Variants in AFDN observed in about 807,000 individuals in gnomAD.
AFDN encodes afadin, adherens junction formation factor.
AFDN carries 68 observed loss-of-function variants against 216.6 expected under a neutral mutation model. The observed-to-expected ratio is 0.31, with a 90% CI of 0.26 to 0.38. AFDN has a LOEUF of 0.38. Ranked by LOEUF, AFDN falls within the 10% of genes least tolerant of loss-of-function variation. AFDN has a pLI of 1.00. For missense variants in AFDN, 2,136 were observed against 2,342.0 expected (o/e 0.91, Z 1.82); for synonymous variants, 868 against 853.7 (o/e 1.02, Z -0.29).
intron 23 of AFDN, among the ~76,000 whole-genome samples, chr6:167,933,325 T>G (rs1279345209): frequency 6.6e-6 from 1 of 152,232 alleles, no homozygotes; most frequent in Non-Finnish European, 1.5e-5. Context: ...AATCTTAGCT[T>G]AAAACATAAG....
At chr6:167,870,592 C>T in intron 3 of AFDN, 94 bp downstream of exon 3, 1 of 663,554 alleles carries the variant, frequency 1.5e-6, no homozygotes, top group Non-Finnish European at 2.5e-6. Context: ...AGTTCCTTCT[C>T]TTTTTTGCTT....
chr6:167,893,726 T>C (rs1191074714), intron 8 of AFDN, 136 bp from the exon 9 acceptor site: 8 of 693,922 alleles, frequency 1.2e-5, no homozygotes, highest in Admixed American at 6.5e-5. Context: ...GTGTACCTTT[T>C]CTTCCTTTGA....
At chr6:167,846,807 T>C (rs1180111463) in intron 1 of AFDN, among the ~76,000 whole-genome samples, 1 of 149,676 alleles carries the variant, frequency 6.7e-6, no homozygotes, top group African/African-American at 2.5e-5. Context: ...TTCAGGGGAG[T>C]TAATCTATTA....
intron 30 of AFDN, among the ~76,000 whole-genome samples, chr6:167,959,702 TAC>T (rs1489291405): frequency 6.6e-6 from 1 of 152,136 alleles, no homozygotes; most frequent in Admixed American, 6.5e-5. Context: ...TCTCAACATA[TAC>T]ACACACATAT....
chr6:167,888,850 A>G lies in AFDN; in HGVS notation c.898-365A>G, dbSNP rs17165159. Among the ~76,000 whole-genome samples the G allele has an allele frequency of 8.5e-3, 1,296 of 152,288 alleles. 10 individuals are homozygous for G. Among genetic ancestry groups the G allele is most frequent in the Middle Eastern group, 0.02 (6 of 294 alleles). On this transcript the variant is annotated intron_variant, in intron 6 of 33. Coordinates refer to ENST00000683244, the MANE Select transcript of AFDN (RefSeq NM_001386888.1). The stretch of plus-strand genomic sequence containing the variant: ...ATAAAAACAATTGTTTGAATGTGAA[A>G]AGGTGGGTTAAGGACTAGAGAGATT...
intron 26 of AFDN, among the ~76,000 whole-genome samples, 153 bp from the exon 27 acceptor site, chr6:167,946,554 A>G (rs745564371): frequency 6.9e-6 from 1 of 145,524 alleles, no homozygotes; most frequent in African/African-American, 2.5e-5. Context: ...TATTCTCAGT[A>G]TATTTACTTA....
chr6:167,829,789 G>A (rs1302620751), intron 1 of AFDN, among the ~76,000 whole-genome samples: 1 of 151,942 alleles, frequency 6.6e-6, no homozygotes, highest in Non-Finnish European at 1.5e-5. Context: ...TAATTTTGTG[G>A]TTTCTGTGTT....
chr6:167,951,599 A>G lies in AFDN; in HGVS notation c.4245A>G (p.Glu1415=), dbSNP rs1361400193. 7 of 1,614,004 alleles carry G rather than the reference A, an allele frequency of 4.3e-6. No individual in the cohort carries two copies. In the South Asian group the frequency reaches 7.7e-5, roughly 18 times the overall value. Residue 1415 remains glutamate, a synonymous_variant, in exon 30 of 34, where the codon GAA becomes GAG. Transcript: ENST00000683244. This position sits in a 1 kb window ranked among gnomAD's most constrained non-coding sequence, Gnocchi z 7.1. ...CGTCTGCGCAGGTGGCTGCTGCTGA[A>G]CGGAGAAAGAGAGAAGAACATCAGC... is the stretch of plus-strand genomic sequence containing the variant. ...GLPSAQVAAA[E]RRKREEHQRW... is the part of the protein sequence containing the mutation.
chr6:167,951,434 T>C lies in AFDN; in HGVS notation c.4080T>C (p.Pro1360=). 1 of 1,613,812 alleles carries C rather than the reference T, an allele frequency of 6.2e-7. No individual in the cohort carries two copies. Among genetic ancestry groups the C allele is most frequent in the Non-Finnish European group, 8.5e-7 (1 of 1,179,744 alleles). The change falls in exon 30 of 34, where the codon CCT becomes CCC. Residue 1360 remains proline, a synonymous_variant. Coordinates refer to ENST00000683244, the MANE Select transcript of AFDN (RefSeq NM_001386888.1). The surrounding 1 kb of genome is among the most constrained non-coding windows in gnomAD (Gnocchi z 7.1). ...CACCAGCAGCCATACCGGCCACCCCTGTGGCCGTCTCCCAGCCAATCCGAA... is the reference window on the plus strand; with the variant it reads ...CACCAGCAGCCATACCGGCCACCCCCGTGGCCGTCTCCCAGCCAATCCGAA... The part of the protein sequence containing the change: ...WKTPAAIPAT[P]VAVSQPIRTD...
intron 33 of AFDN, among the ~76,000 whole-genome samples, 170 bp from the exon 34 acceptor site, chr6:167,969,612 T>A (rs1428801364): frequency 6.6e-6 from 1 of 152,188 alleles, no homozygotes; most frequent in Non-Finnish European, 1.5e-5. Flanking sequence ...GCCCTTTTTT[T>A]CTAGATGGGT....
In AFDN at chr6:167,948,543, C is replaced by T. The variant is rs189667082; in HGVS notation, c.3831+65C>T. The T allele has an allele frequency of 2.8e-6, 4 of 1,444,462 alleles. No homozygotes were observed. In the African/African-American group the frequency reaches 5.7e-5, roughly 21 times the overall value. 89.5% of individuals were successfully genotyped at this position (1,444,462 alleles called of 1,614,324 possible). On this transcript the variant is annotated intron_variant, in intron 29 of 33. Transcript: ENST00000683244. Reference sequence around the variant, plus strand: ...AAGGAGGACACACTGAGTTCTGAGACACAATTAATATTTTCTATAGAACAG... The same window carrying T: ...AAGGAGGACACACTGAGTTCTGAGATACAATTAATATTTTCTATAGAACAG...
chr6:167,835,865 T>C (rs1382971573), intron 1 of AFDN, among the ~76,000 whole-genome samples: 1 of 152,196 alleles, frequency 6.6e-6, no homozygotes, highest in Admixed American at 6.5e-5. Context: ...CTAGAATGTT[T>C]AGTGATGAGT....
chr6:167,848,265 T>C (rs1017471602), intron 1 of AFDN, among the ~76,000 whole-genome samples: 4 of 152,232 alleles, frequency 2.6e-5, no homozygotes, highest in African/African-American at 9.6e-5. Flanking sequence ...TTTCATTTGA[T>C]TCCCACATCA....
chr6:167,948,001 T>TAAGG, intron 28 of AFDN, 57 bp downstream of exon 28: 1 of 1,296,040 alleles, frequency 7.7e-7, no homozygotes, highest in Non-Finnish European at 1.1e-6. Flanking sequence ...TAGGGTTCCC[T>TAAGG]TTGGACATCT....
chr6:167,964,413 A>T (rs1025539576), intron 31 of AFDN: 5 of 1,064,962 alleles, frequency 4.7e-6, no homozygotes, highest in Non-Finnish European at 5.7e-6. Flanking sequence ...AAGCCACAAG[A>T]AGTCATTCTG....
intron 31 of AFDN, chr6:167,964,717 A>G (rs1797369985): frequency 3.8e-6 from 4 of 1,065,388 alleles, no homozygotes; most frequent in Middle Eastern, 4.1e-4. Context: ...AGGGACTAAC[A>G]ACTTTTCACT....
At chr6:167,882,864 T>C (rs1205248667) in intron 6 of AFDN, among the ~76,000 whole-genome samples, 1 of 151,968 alleles carries the variant, frequency 6.6e-6, no homozygotes, top group Non-Finnish European at 1.5e-5. Flanking sequence ...AAGAAAAAGA[T>C]TCAAGTTGCA....
intron 1 of AFDN, among the ~76,000 whole-genome samples, chr6:167,846,622 C>CT (rs763120052): frequency 7.8e-4 from 110 of 141,096 alleles, no homozygotes; most frequent in Non-Finnish European, 1.1e-3. Context: ...TATGAAATGG[C>CT]TTTTTTTTTC....
At position 167,942,747 on chromosome 6, in the gene AFDN, C is replaced by T. The variant is rs537762500; in HGVS notation, c.3100-382C>T. Among the ~76,000 whole-genome samples the T allele has an allele frequency of 3.3e-5, 5 of 152,142 alleles. No individual in the cohort carries two copies. In the South Asian group the frequency reaches 6.2e-4, roughly 19 times the overall value. On this transcript the variant is annotated intron_variant, in intron 23 of 33. Coordinates refer to ENST00000683244, the MANE Select transcript of AFDN (RefSeq NM_001386888.1). The stretch of plus-strand genomic sequence containing the variant: ...TTATCATTTAAAATCTTAAACTATA[C>T]GTATGAAAAGAACAAGGGTATAAGG...
Sources: gnomAD v4.1 joint callset for allele counts (sites outside exome capture counted in the v4.1 genomes callset) on GRCh38, gnomAD v4.1.1 for gene constraint, Gnocchi (gnomAD v3.1) non-coding constraint, MANE v1.5 for transcripts, NCBI Gene and HGNC (gene_info 2026-07-23, HGNC 2026-07-21) for gene names.